Variants in VEPH1 observed in about 807,000 individuals in gnomAD.
The protein encoded by VEPH1 is ventricular zone-expressed PH domain-containing protein homolog 1.
In VEPH1, 80 loss-of-function variants were observed where a neutral mutation model predicts 85.2. That is an observed-to-expected ratio of 0.94 (90% CI 0.78 to 1.13). The LOEUF is 1.13. Among genes scored for constraint, VEPH1 ranks in the 50% most tolerant of loss-of-function variants. VEPH1 has a pLI of 0.00. For synonymous variants in VEPH1, 297 were observed against 348.0 expected (o/e 0.85, Z 1.63); for missense variants, 955 against 980.5 (o/e 0.97, Z 0.35).
chr3:157,333,319 C>T (rs186592032), intron 9 of VEPH1, among the ~76,000 whole-genome samples: 17 of 152,150 alleles, frequency 1.1e-4, no homozygotes, highest in East Asian at 9.7e-4. Context: ...TCACAAAATC[C>T]GCCAGGGGAA....
intron 11 of VEPH1, among the ~76,000 whole-genome samples, chr3:157,313,108 G>T (rs1202777691): frequency 6.6e-6 from 1 of 151,598 alleles, no homozygotes; most frequent in African/African-American, 2.4e-5. Flanking sequence ...GTTTCACCGT[G>T]TTAGCCAGGA....
At chr3:157,354,403 C>T (rs754259539) in intron 9 of VEPH1, among the ~76,000 whole-genome samples, 16 of 152,146 alleles carry the variant, frequency 1.1e-4, no homozygotes, top group Non-Finnish European at 1.9e-4. Context: ...GCACTGCTGA[C>T]AGCTTTCCTT....
At chr3:157,461,781 T>C (rs560226777) in intron 3 of VEPH1, among the ~76,000 whole-genome samples, 41 of 152,146 alleles carry the variant, frequency 2.7e-4, no homozygotes, top group African/African-American at 9.6e-4. Flanking sequence ...CAATTTCAGA[T>C]AGATTGCAGA....
intron 11 of VEPH1, among the ~76,000 whole-genome samples, chr3:157,295,675 T>C (rs1271655635): frequency 6.6e-6 from 1 of 152,060 alleles, no homozygotes; most frequent in Non-Finnish European, 1.5e-5. Flanking sequence ...CTACGGTTGG[T>C]CAGGCACAGT....
intron 12 of VEPH1, among the ~76,000 whole-genome samples, chr3:157,283,200 CCTTAA>C: frequency 6.6e-6 from 1 of 152,098 alleles, no homozygotes; most frequent in East Asian, 1.9e-4. Flanking sequence ...TATTTCATGT[CCTTAA>C]CTTGAATTTT....
chr3:157,415,578 C>T (rs1731854024), intron 5 of VEPH1, among the ~76,000 whole-genome samples: 1 of 152,042 alleles, frequency 6.6e-6, no homozygotes, highest in Non-Finnish European at 1.5e-5. Context: ...CTCTTCTCAG[C>T]TTTAGCCACA....
At chr3:157,373,125 G>A (rs1727700097) in intron 7 of VEPH1, among the ~76,000 whole-genome samples, 4 of 152,128 alleles carry the variant, frequency 2.6e-5, no homozygotes, top group African/African-American at 7.2e-5. Context: ...ATTTACAGAT[G>A]AGGAAACTGA....
chr3:157,382,141 T>C (rs1728850056), intron 6 of VEPH1, among the ~76,000 whole-genome samples: 1 of 152,228 alleles, frequency 6.6e-6, no homozygotes, highest in Non-Finnish European at 1.5e-5. Flanking sequence ...CTGCAGGTTT[T>C]CTCACTGACT....
At chr3:157,273,072 T>G (rs1714925945) in intron 12 of VEPH1, among the ~76,000 whole-genome samples, 1 of 152,166 alleles carries the variant, frequency 6.6e-6, no homozygotes, top group South Asian at 2.1e-4. Context: ...TCCTTTTATC[T>G]CCTGGCGGTG....
chr3:157,288,723 G>A lies in VEPH1; in HGVS notation c.2011-2049C>T, dbSNP rs1039973218. Among the ~76,000 whole-genome samples, 4 of 152,222 alleles carry A rather than the reference G, an allele frequency of 2.6e-5. No homozygotes were observed. In the East Asian group the frequency reaches 7.7e-4, roughly 29 times the overall value. Reference sequence around the variant, plus strand: ...GTTGGCTGCTATAAACTTGGCACCTGAAAGTGCCTATCACATAGCAAGCAC... The same window carrying A: ...GTTGGCTGCTATAAACTTGGCACCTAAAAGTGCCTATCACATAGCAAGCAC... On this transcript the variant is annotated intron_variant, in intron 11 of 13. Transcript: ENST00000362010.
intron 6 of VEPH1, among the ~76,000 whole-genome samples, chr3:157,382,811 T>C (rs1728913601): frequency 6.6e-6 from 1 of 152,156 alleles, no homozygotes; most frequent in Non-Finnish European, 1.5e-5. Context: ...TTATAGACTC[T>C]TTAAAAATCT....
At chr3:157,410,520 T>C (rs61290537) in intron 6 of VEPH1, among the ~76,000 whole-genome samples, 260 of 152,254 alleles carry the variant, frequency 1.7e-3, no homozygotes, top group African/African-American at 5.7e-3. Flanking sequence ...TTGTCTTTGG[T>C]CTTTAGAAAT....
At chr3:157,444,501 G>C (rs1734392145) in intron 4 of VEPH1, among the ~76,000 whole-genome samples, 1 of 152,188 alleles carries the variant, frequency 6.6e-6, no homozygotes, top group Admixed American at 6.5e-5. Flanking sequence ...GTAGTTAGGG[G>C]CTGATAGGCC....
chr3:157,458,785 T>G (rs1271223978), intron 4 of VEPH1, among the ~76,000 whole-genome samples: 2 of 152,230 alleles, frequency 1.3e-5, no homozygotes, highest in East Asian at 3.8e-4. Context: ...TAATCCATTT[T>G]GAGTTAATTT....
chr3:157,391,742 C>A (rs906988152), intron 6 of VEPH1, among the ~76,000 whole-genome samples: 1 of 152,190 alleles, frequency 6.6e-6, no homozygotes, highest in African/African-American at 2.4e-5. Context: ...CCAGAGAATG[C>A]CTGTGAGATA....
chr3:157,301,736 A>G (rs1261015613), intron 11 of VEPH1, among the ~76,000 whole-genome samples: 11 of 151,930 alleles, frequency 7.2e-5, no homozygotes, highest in African/African-American at 2.7e-4. Flanking sequence ...TGCCCTCTAC[A>G]CTTTCTGAGG....
chr3:157,354,983 C>G (rs1403662152), intron 9 of VEPH1, among the ~76,000 whole-genome samples: 2 of 152,180 alleles, frequency 1.3e-5, no homozygotes, highest in Non-Finnish European at 2.9e-5. Context: ...CTCCTCACTT[C>G]ACTTCACTGC....
chr3:157,494,094 G>T (rs1252551870), intron 2 of VEPH1, among the ~76,000 whole-genome samples: 1 of 152,182 alleles, frequency 6.6e-6, no homozygotes, highest in Admixed American at 6.5e-5. Context: ...CATTACCTGA[G>T]AAAAGAAGAG....
intron 6 of VEPH1, among the ~76,000 whole-genome samples, chr3:157,405,383 G>A (rs553120690): frequency 2.0e-5 from 3 of 152,190 alleles, no homozygotes; most frequent in African/African-American, 4.8e-5. Context: ...TCTTGGGAAC[G>A]CTAAGGTACA....
Sources: allele counts gnomAD v4.1 joint callset (sites outside exome capture counted in the v4.1 genomes callset), GRCh38; gene constraint gnomAD v4.1.1; transcripts MANE v1.5; gene names NCBI Gene and HGNC (gene_info 2026-07-23, HGNC 2026-07-21).